The following HRG variants were observed in gnomAD, a reference collection of about 807,000 sequenced individuals.
HRG encodes histidine rich glycoprotein, also known as histidine-rich glycoprotein.
HRG carries 26 observed loss-of-function variants against 29.5 expected under a neutral mutation model. The ratio of observed to expected loss-of-function variants is 0.88; its 90% CI spans 0.65 to 1.22. The LOEUF (loss-of-function observed/expected upper bound fraction) is 1.22, where lower values mean the gene tolerates loss of function less well. HRG is among the 50% of genes most tolerant of loss of function. The pLI, the probability that HRG is intolerant of heterozygous loss-of-function variation, is 0.00. For synonymous variants in HRG, 243 were observed against 240.4 expected (o/e 1.01, Z -0.10); for missense variants, 671 against 654.5 (o/e 1.03, Z -0.28).
chr3:186,673,244 C>T (rs1187655937), intron 5 of HRG: 6 of 330,810 alleles, frequency 1.8e-5, no homozygotes, highest in African/African-American at 1.1e-4. Context: ...ACTGGGATTA[C>T]AGGCATGCAC....
At chr3:186,667,072 G>A (rs1718634396) in intron 1 of HRG, 3 of 152,200 alleles carry the variant, frequency 2.0e-5, no homozygotes, top group South Asian at 4.1e-4. Context: ...AGTGTGATGG[G>A]ACAAAAGGCT....
Position 186,677,748 on chromosome 3 carries a change from A to G in HRG, c.1443A>G (p.Pro481=), listed in dbSNP as rs1560043036. The G allele has an allele frequency of 3.7e-6, 6 of 1,611,380 alleles. No homozygotes were observed. The highest frequency in any genetic ancestry group is 1.3e-5 in the African/African-American group (1 of 74,984). ...CTGAGGCCAATTTTCCCAGCTTCCC[A>G]TTGCCGCACCACAAACATCCTCTAA... ...PLPEANFPSF[P]LPHHKHPLKP... The change falls in exon 7 of 7, where the codon CCA becomes CCG. Residue 481 remains proline (P), a synonymous_variant. Transcript: ENST00000232003.
intron 6 of HRG, among the ~76,000 whole-genome samples, chr3:186,675,865 CT>C (rs56248425): frequency 0.3 from 28,653 of 96,416 alleles, 2,640 homozygotes; most frequent in Middle Eastern, 0.33. Context: ...ATGGCTCTGT[CT>C]TTTTTTTTTT....
At chr3:186,671,509 C>T in intron 3 of HRG, 114 bp from the exon 4 acceptor site, 1 of 1,086,846 alleles carries the variant, frequency 9.2e-7, no homozygotes. Flanking sequence ...TTACTCAGCT[C>T]TTCCCACCCT....
intron 6 of HRG, among the ~76,000 whole-genome samples, chr3:186,676,244 G>A (rs1370923531): frequency 6.6e-6 from 1 of 152,066 alleles, no homozygotes. Context: ...GCCTTTAGGA[G>A]TAAGGGATGT....
chr3:186,667,661 A>G (rs1261624651), intron 1 of HRG, among the ~76,000 whole-genome samples: 1 of 151,884 alleles, frequency 6.6e-6, no homozygotes. Flanking sequence ...GGTCTGGGTA[A>G]ATGTGTTCCT....
chr3:186,672,588 C>T (rs1245933965), intron 4 of HRG, among the ~76,000 whole-genome samples, 199 bp from the exon 5 acceptor site: 1 of 152,112 alleles, frequency 6.6e-6, no homozygotes. Context: ...ATTATTTGAA[C>T]CTTTTCAGTG....
intron 5 of HRG, chr3:186,674,435 G>A (rs1718903331): frequency 3.2e-5 from 5 of 156,726 alleles, no homozygotes; most frequent in Admixed American, 3.0e-4. Context: ...AAATGGAGAA[G>A]CCAGGATTAA....
chr3:186,675,261 T>G (rs1463110829), intron 6 of HRG, 71 bp downstream of exon 6: 6 of 916,182 alleles, frequency 6.5e-6, no homozygotes, highest in Non-Finnish European at 9.0e-6. Context: ...ATAGTGTTGT[T>G]GCTTCCTAAA....
At chr3:186,666,739 C>A (rs1198953911) in intron 1 of HRG, among the ~76,000 whole-genome samples, 3 of 151,942 alleles carry the variant, frequency 2.0e-5, no homozygotes, top group Non-Finnish European at 2.9e-5. Flanking sequence ...ATGGTGAAAC[C>A]CTGTCTCTAC....
Position 186,666,160 on chromosome 3 carries a change from G to T in HRG, c.129G>T (p.Arg43=), listed in dbSNP as rs761661444. The T allele has an allele frequency of 1.2e-5, 20 of 1,614,056 alleles. No individual in the cohort carries two copies. The South Asian group carries it at 2.2e-4, about 18-fold the overall frequency. Residue 43 remains arginine, a synonymous_variant, in exon 1 of 7, where the codon CGG becomes CGT. Transcript: ENST00000232003. ...KALDLINKRR[R]DGYLFQLLRI... is the part of the protein sequence containing the mutation. ...TAGACCTGATCAATAAAAGGCGACG[G>T]GATGGCTACCTTTTCCAATTGCTGC...
Position 186,669,802 on chromosome 3 carries a change from C to A in HRG, c.301-136C>A, listed in dbSNP as rs918519618. 1.1e-5 allele frequency: 8 copies of A among 710,796 alleles called. No individual in the cohort carries two copies. The East Asian group carries it at 2.1e-4, about 19-fold the overall frequency. 44.0% of individuals were successfully genotyped at this position (710,796 alleles called of 1,614,324 possible). ...GACTAAGAAAATGCAGGGTTTGAGA[C>A]AAGCTTTGATGAAAGAAATGCATTT... On this transcript the variant is annotated intron_variant, in intron 2 of 6. Coordinates refer to ENST00000232003, the MANE Select transcript of HRG (RefSeq NM_000412.5).
At chr3:186,666,785 C>T (rs571329728) in intron 1 of HRG, 40 of 159,188 alleles carry the variant, frequency 2.5e-4, no homozygotes, top group African/African-American at 7.9e-4. Context: ...TGGTGGTGCA[C>T]GCCTGTAATC....
At chr3:186,668,496 T>G in intron 1 of HRG, 1 of 195,686 alleles carries the variant, frequency 5.1e-6, no homozygotes, top group Non-Finnish European at 1.1e-5. Flanking sequence ...AGAGGGCAGC[T>G]AGTTTGTAAG....
intron 3 of HRG, among the ~76,000 whole-genome samples, chr3:186,670,709 A>G (rs1014004413): frequency 3.3e-5 from 5 of 152,160 alleles, no homozygotes; most frequent in Admixed American, 6.5e-5. Flanking sequence ...CACCACATCC[A>G]ACAAATTTTG....
rs762985026 is a variant in HRG at position 186,675,158 on chromosome 3, C to T, written c.709C>T (p.Leu237Phe). Reference protein sequence around the residue: ...EALDLESPKNLVINCEVFDPQ... With the variant: ...EALDLESPKNFVINCEVFDPQ... ...CTTGGACTTGGAAAGCCCGAAAAAC[C>T]TTGTCATAAACTGTGAAGTCTTCGA... is the stretch of plus-strand genomic sequence containing the variant. The change falls in exon 6 of 7, where the codon CTT becomes TTT. Residue 237 changes from leucine to phenylalanine, a missense_variant. Coordinates refer to ENST00000232003, the MANE Select transcript of HRG (RefSeq NM_000412.5). 3.1e-6 allele frequency: 5 copies of T among 1,613,654 alleles called. No individual in the cohort carries two copies. The highest frequency in any genetic ancestry group is 1.6e-4 in the Middle Eastern group (1 of 6,082).
Position 186,677,200 on chromosome 3 carries a change from C to T in HRG, c.895C>T (p.Pro299Ser), listed in dbSNP as rs748240389. The change falls in exon 7 of 7, where the codon CCT (proline) becomes TCT (serine). Residue 299 changes from proline (P) to serine (S), a missense_variant. Pro to Ser is a moderately conservative substitution (Grantham distance 74). Transcript: ENST00000232003. ...CAAGCCACACGAACATGGACCCCCA[C>T]CTCCTCCAGATGAAAGAGATCACTC... ...PHKPHEHGPP[P>S]PPDERDHSHG... 32 of 1,613,934 alleles carry T rather than the reference C, an allele frequency of 2.0e-5. 1 individual carries two copies. In the East Asian group the frequency reaches 6.7e-4, roughly 34 times the overall value.
rs199706826 is a variant in HRG at position 186,671,688 on chromosome 3, C to A, written c.457C>A (p.Arg153Ser). The stretch of plus-strand genomic sequence containing the variant: ...CATAGATTTCTTTGAGGATACTGAG[C>A]GCTACAGAAAACAAGCCAACAAAGC... Reference protein sequence around the residue: ...VLIDFFEDTERYRKQANKALE... With the variant: ...VLIDFFEDTESYRKQANKALE... The change falls in exon 4 of 7, where the codon CGC (arginine) becomes AGC (serine). Residue 153 changes from arginine to serine, a missense_variant. Physicochemically the swap from Arg to Ser is moderately radical, Grantham distance 110. Transcript: ENST00000232003. The A allele has an allele frequency of 1.9e-5, 30 of 1,613,678 alleles. No individual in the cohort carries two copies. The highest frequency in any genetic ancestry group is 2.5e-5 in the Non-Finnish European group (29 of 1,179,784).
At position 186,677,218 on chromosome 3, in the gene HRG, G is replaced by A. The variant is rs1286513331; in HGVS notation, c.913G>A (p.Asp305Asn). 6.2e-7 allele frequency: 1 copy of A among 1,613,750 alleles called. No homozygotes were observed. The change falls in exon 7 of 7, where the codon GAT becomes AAT. Residue 305 changes from aspartate to asparagine, a missense_variant. Coordinates refer to ENST00000232003, the MANE Select transcript of HRG (RefSeq NM_000412.5). ...ACCCCCACCTCCTCCAGATGAAAGAGATCACTCACATGGACCCCCACTTCC... is the reference window on the plus strand; with the variant it reads ...ACCCCCACCTCCTCCAGATGAAAGAAATCACTCACATGGACCCCCACTTCC... ...HGPPPPPDER[D>N]HSHGPPLPQG...
Sources: allele counts gnomAD v4.1 joint callset (sites outside exome capture counted in the v4.1 genomes callset), GRCh38; gene constraint gnomAD v4.1.1; transcripts MANE v1.5; gene names NCBI Gene and HGNC (gene_info 2026-07-23, HGNC 2026-07-21).